Variants in ARHGEF15 observed in about 807,000 individuals in gnomAD.
ARHGEF15 encodes the protein Rho guanine nucleotide exchange factor 15, also known as Rho guanine nucleotide exchange factor (GEF) 15.
Under a neutral mutation model 79.7 loss-of-function variants are expected in ARHGEF15, and 58 were observed. The observed-to-expected ratio is 0.73, with a 90% CI of 0.59 to 0.91. The LOEUF (loss-of-function observed/expected upper bound fraction) is 0.91, where lower values mean the gene tolerates loss of function less well. Ranked by LOEUF, ARHGEF15 falls within the 40% of genes least tolerant of loss-of-function variation. ARHGEF15 has a pLI of 0.00. For synonymous variants in ARHGEF15, 442 were observed against 456.0 expected (o/e 0.97, Z 0.39); for missense variants, 1,012 against 1,108.1 (o/e 0.91, Z 1.23).
At position 8,318,965 on chromosome 17, in the gene ARHGEF15, G is replaced by T. The variant is rs183082524; in HGVS notation, c.2034-42G>T. 2 of 1,608,952 alleles carry T rather than the reference G, an allele frequency of 1.2e-6. No homozygotes were observed. Among genetic ancestry groups the T allele is most frequent in the African/African-American group, 2.7e-5 (2 of 74,798 alleles). ...CTGGAGTGGGCAGGAGGGGTCCAGC[G>T]GGACCCCTGCTGTCCTTCTGAACGA... On this transcript the variant is annotated intron_variant, in intron 12 of 15. Transcript: ENST00000361926. The surrounding 1 kb of genome is among the most constrained non-coding windows in gnomAD (Gnocchi z 5.0).
intron 9 of ARHGEF15, 117 bp downstream of exon 9, chr17:8,316,265 C>T (rs1314669585): frequency 7.1e-7 from 1 of 1,417,538 alleles, no homozygotes; most frequent in South Asian, 1.4e-5. Context: ...CATAAAATCC[C>T]CCAAATCATA....
chr17:8,311,987 T>C lies in ARHGEF15; in HGVS notation c.-49-4T>C. ...GTCTTTCTCTTTCCCTCCCTCCTCCTCAGGGGATGACTCCAGCAGAGCACC... is the reference window on the plus strand; with the variant it reads ...GTCTTTCTCTTTCCCTCCCTCCTCCCCAGGGGATGACTCCAGCAGAGCACC... On this transcript the variant is annotated splice_polypyrimidine_tract_variant and splice_region_variant and intron_variant, in intron 1 of 15. Coordinates refer to ENST00000361926, the MANE Select transcript of ARHGEF15 (RefSeq NM_173728.4). 1 of 1,472,138 alleles carries C rather than the reference T, an allele frequency of 6.8e-7. No individual in the cohort carries two copies. 91.2% of individuals were successfully genotyped at this position (1,472,138 alleles called of 1,614,324 possible).
Position 8,312,977 on chromosome 17 carries a change from T to A in ARHGEF15, c.657T>A (p.Pro219=), listed in dbSNP as rs1252152137. Residue 219 remains proline (P), a synonymous_variant, in exon 3 of 16, where the codon CCT becomes CCA. Transcript: ENST00000361926. Reference sequence around the variant, plus strand: ...CCTGTGTCTGCCACACCACCCGGCCTGGCCTGGAGCTCAGATGGGTGCCTG... The same window carrying A: ...CCTGTGTCTGCCACACCACCCGGCCAGGCCTGGAGCTCAGATGGGTGCCTG... The part of the protein sequence containing the change: ...CCPCVCHTTR[P]GLELRWVPVG... 2 of 1,603,676 alleles carry A rather than the reference T, an allele frequency of 1.2e-6. No individual in the cohort carries two copies. Among genetic ancestry groups the A allele is most frequent in the East Asian group, 4.5e-5 (2 of 44,740 alleles).
At chr17:8,317,491 A>C (rs562726555) in intron 9 of ARHGEF15, among the ~76,000 whole-genome samples, 2 of 152,308 alleles carry the variant, frequency 1.3e-5, no homozygotes, top group South Asian at 2.1e-4. Flanking sequence ...TGTAGACAAC[A>C]AAATAATAAT....
Position 8,312,934 on chromosome 17 carries a change from C to A in ARHGEF15, c.614C>A (p.Ala205Asp). ...CTGTCTCCCACAGATGCTGGCCTGG[C>A]CTGCCCTCCCTGCTGCCCCTGTGTC... is the stretch of plus-strand genomic sequence containing the variant. ...QENGAPDAGL[A>D]CPPCCPCVCH... The change falls in exon 3 of 16, where the codon GCC becomes GAC. Residue 205 changes from alanine (A) to aspartate (D), a missense_variant. By Grantham distance (126) the Ala-to-Asp change is moderately radical. This residue lies in a region of ARHGEF15 where 818 missense variants were observed against 882.5 expected (regional missense o/e 0.93). Coordinates refer to ENST00000361926, the MANE Select transcript of ARHGEF15 (RefSeq NM_173728.4). 6.3e-7 allele frequency: 1 copy of A among 1,577,128 alleles called. No individual in the cohort carries two copies.
chr17:8,319,985 G>T (rs1283974683), intron 15 of ARHGEF15, among the ~76,000 whole-genome samples: 2 of 149,006 alleles, frequency 1.3e-5, no homozygotes, highest in Admixed American at 6.8e-5. Context: ...TCACTATGTT[G>T]CTCAGGCTGG....
At chr17:8,313,317 C>T in intron 3 of ARHGEF15, 63 bp downstream of exon 3, 1 of 1,551,346 alleles carries the variant, frequency 6.4e-7, no homozygotes, top group Non-Finnish European at 8.7e-7. Context: ...CAGGGGGGAA[C>T]TAAAGCCCAG....
At position 8,321,682 on chromosome 17, in the gene ARHGEF15, C is replaced by G. The variant is rs1161079392; in HGVS notation, c.*689C>G. 1 of 152,338 alleles carries G rather than the reference C, an allele frequency of 6.6e-6. No homozygotes were observed. The highest frequency in any genetic ancestry group is 1.9e-4 in the East Asian group (1 of 5,202). 9.4% of individuals were successfully genotyped at this position (152,338 alleles called of 1,614,324 possible). ...GATTGTGCTCCTGACCCACAAATGA[C>G]TGAGTGCTCCATTTCTTCCTTTACC... is the stretch of plus-strand genomic sequence containing the variant. On this transcript the variant is annotated 3_prime_UTR_variant, in exon 16 of 16. Coordinates refer to ENST00000361926, the MANE Select transcript of ARHGEF15 (RefSeq NM_173728.4).
At position 8,313,073 on chromosome 17, in the gene ARHGEF15, C is replaced by T. The variant is rs538711335; in HGVS notation, c.753C>T (p.Pro251=). Reference sequence around the variant, plus strand: ...CGCTGCGGACCTCTCGCTCCCGCCCCCACCCTCCAAGCATCGGTCACCCTG... The same window carrying T: ...CGCTGCGGACCTCTCGCTCCCGCCCTCACCCTCCAAGCATCGGTCACCCTG... ...ASPLRTSRSR[P]HPPSIGHPAV... is the part of the protein sequence containing the mutation. Residue 251 remains proline (P), a synonymous_variant, in exon 3 of 16, where the codon CCC becomes CCT. Coordinates refer to ENST00000361926, the MANE Select transcript of ARHGEF15 (RefSeq NM_173728.4). 6.2e-7 allele frequency: 1 copy of T among 1,613,570 alleles called. No homozygotes were observed. The highest frequency in any genetic ancestry group is 1.7e-5 in the Admixed American group (1 of 60,018).
In ARHGEF15 at chr17:8,321,092, A is replaced by G. The variant is rs1269330671; in HGVS notation, c.*99A>G. 7.2e-6 allele frequency: 11 copies of G among 1,520,662 alleles called. No individual in the cohort carries two copies. The South Asian group carries it at 9.6e-5, about 13-fold the overall frequency. The allele number at this position is 1,520,662 out of a possible 1,614,324, so 94.2% of individuals were successfully genotyped here. On this transcript the variant is annotated 3_prime_UTR_variant, in exon 16 of 16. Transcript: ENST00000361926. ...CATTGGATTCACTGTCAGTGGAGAT[A>G]CTACCTCTCGTGGCAACCATAGAGA...
chr17:8,312,656 G>T lies in ARHGEF15; in HGVS notation c.601+16G>T, dbSNP rs761415894. Reference sequence around the variant, plus strand: ...GGTGCTCCAGGTGAGTGTGGCGGGTGGGGGGCGCTGGGTGACCTCAATCCA... The same window carrying T: ...GGTGCTCCAGGTGAGTGTGGCGGGTTGGGGGCGCTGGGTGACCTCAATCCA... On this transcript the variant is annotated intron_variant, in intron 2 of 15. Coordinates refer to ENST00000361926, the MANE Select transcript of ARHGEF15 (RefSeq NM_173728.4). 2.5e-6 allele frequency: 4 copies of T among 1,611,268 alleles called. No homozygotes were observed. In the Admixed American group the frequency reaches 5.0e-5, roughly 20 times the overall value.
rs1445621814 is a variant in ARHGEF15, at chr17:8,320,954, T to C, written c.2487T>C (p.Val829=). The C allele has an allele frequency of 6.2e-7, 1 of 1,613,886 alleles. No homozygotes were observed. The highest frequency in any genetic ancestry group is 1.3e-5 in the African/African-American group (1 of 74,880). The change falls in exon 16 of 16, where the codon GTT becomes GTC. Residue 829 remains valine (V), a synonymous_variant. Transcript: ENST00000361926. ...AGAACCAGAGGCTTCTCGAGGCTGT[T>C]GGATCTTCTTCAGGCACCCCCAATG... ...LRQNQRLLEA[V]GSSSGTPNAP...
rs747978063 is a variant in ARHGEF15, at chr17:8,313,173, C to T, written c.853C>T (p.Arg285Cys). ...LPLLKPPKPTRVRQDATIFGD... is the reference protein window; with the variant it reads ...LPLLKPPKPTCVRQDATIFGD... ...ACTCCTCAAGCCTCCCAAACCAACT[C>T]GTGTCAGGCAGGATGCCACCATTTT... The change falls in exon 3 of 16, where the codon CGT (arginine) becomes TGT (cysteine). Residue 285 changes from arginine to cysteine, a missense_variant. This residue lies in a region of ARHGEF15 where 818 missense variants were observed against 882.5 expected (regional missense o/e 0.93). Transcript: ENST00000361926. 3.7e-6 allele frequency: 6 copies of T among 1,611,636 alleles called. No individual in the cohort carries two copies. Among genetic ancestry groups the T allele is most frequent in the African/African-American group, 1.3e-5 (1 of 75,040 alleles).
In ARHGEF15 at chr17:8,313,029, G is replaced by T; in HGVS notation, c.709G>T (p.Val237Phe). The change falls in exon 3 of 16, where the codon GTC (valine) becomes TTC (phenylalanine). Residue 237 changes from valine to phenylalanine, a missense_variant. Coordinates refer to ENST00000361926, the MANE Select transcript of ARHGEF15 (RefSeq NM_173728.4). ...GGGGGGCTATGAGGAGGTCCCCAGGGTCCCCCGTCGGGCCTCCCCGCTGCG... is the reference window on the plus strand; with the variant it reads ...GGGGGGCTATGAGGAGGTCCCCAGGTTCCCCCGTCGGGCCTCCCCGCTGCG... ...PVGGYEEVPR[V>F]PRRASPLRTS... 1 of 1,613,252 alleles carries T rather than the reference G, an allele frequency of 6.2e-7. No individual in the cohort carries two copies. The highest frequency in any genetic ancestry group is 1.7e-4 in the Middle Eastern group (1 of 6,058).
rs747972645 is a variant in ARHGEF15, at chr17:8,318,580, G to C, written c.1790G>C (p.Arg597Pro). 6.2e-7 allele frequency: 1 copy of C among 1,613,502 alleles called. No individual in the cohort carries two copies. Among genetic ancestry groups the C allele is most frequent in the South Asian group, 1.1e-5 (1 of 91,054 alleles). ...GCTCCCCTTACCTAGATCATCGAGC[G>C]TTGCAGCGCTGAGGTGGGGCGCATG... ...ALGAVSKIIE[R>P]CSAEVGRMKQ... Residue 597 changes from arginine (R) to proline (P), a missense_variant, in exon 11 of 16, where the codon CGT becomes CCT. Transcript: ENST00000361926. This position sits in a 1 kb window ranked among gnomAD's most constrained non-coding sequence, Gnocchi z 5.0.
Position 8,318,127 on chromosome 17 carries a change from A to T in ARHGEF15, c.1705-260A>T, listed in dbSNP as rs1197088561. 1 of 477,768 alleles carries T rather than the reference A, an allele frequency of 2.1e-6. No homozygotes were observed. Among genetic ancestry groups the T allele is most frequent in the Non-Finnish European group, 3.7e-6 (1 of 269,046 alleles). 29.6% of individuals were successfully genotyped at this position (477,768 alleles called of 1,614,324 possible). On this transcript the variant is annotated intron_variant, in intron 9 of 15. Coordinates refer to ENST00000361926, the MANE Select transcript of ARHGEF15 (RefSeq NM_173728.4). This position sits in a 1 kb window ranked among gnomAD's most constrained non-coding sequence, Gnocchi z 5.0. ...ATATGTGCCAAGAACTATGCTAAGC[A>T]CTTTACATATATTGCCTTCTTGAAT...
chr17:8,318,379 G>A lies in ARHGEF15; in HGVS notation c.1705-8G>A, dbSNP rs545314176. On this transcript the variant is annotated splice_region_variant and splice_polypyrimidine_tract_variant and intron_variant, in intron 9 of 15. Transcript: ENST00000361926. This position sits in a 1 kb window ranked among gnomAD's most constrained non-coding sequence, Gnocchi z 5.0. ...GGGGGCCCAGTCACCCTTCCTCCTT[G>A]TCCCCAGAATATCCTGCGCCAGACA... 6.2e-7 allele frequency: 1 copy of A among 1,613,126 alleles called. No homozygotes were observed. The highest frequency in any genetic ancestry group is 8.5e-7 in the Non-Finnish European group (1 of 1,179,828).
chr17:8,315,586 T>C lies in ARHGEF15; in HGVS notation c.1421+12T>C. 6.2e-7 allele frequency: 1 copy of C among 1,606,490 alleles called. No homozygotes were observed. Among genetic ancestry groups the C allele is most frequent in the Non-Finnish European group, 8.5e-7 (1 of 1,179,894 alleles). On this transcript the variant is annotated intron_variant, in intron 7 of 15. Coordinates refer to ENST00000361926, the MANE Select transcript of ARHGEF15 (RefSeq NM_173728.4). This position sits in a 1 kb window ranked among gnomAD's most constrained non-coding sequence, Gnocchi z 4.3. ...GGAGTCAGCGAGCGGTCAGTGGCTTTCCGTCCTTCCAGGGAACCTGCCCTT... is the reference window on the plus strand; with the variant it reads ...GGAGTCAGCGAGCGGTCAGTGGCTTCCCGTCCTTCCAGGGAACCTGCCCTT...
At position 8,312,055 on chromosome 17, in the gene ARHGEF15, C is replaced by T. The variant is rs370353838; in HGVS notation, c.16C>T (p.Leu6Phe). The T allele has an allele frequency of 1.3e-4, 201 of 1,593,786 alleles. No homozygotes were observed. The highest frequency in any genetic ancestry group is 3.4e-4 in the Middle Eastern group (2 of 5,966). ...ACAGAGGAAGATGTCAGCCCAGTCC[C>T]TTCCTGCAGCAACACCCCCCACGCA... The part of the protein sequence containing the change: MSAQS[L>F]PAATPPTQKP... Residue 6 changes from leucine to phenylalanine, a missense_variant, in exon 2 of 16, where the codon CTT (leucine) becomes TTT (phenylalanine). Coordinates refer to ENST00000361926, the MANE Select transcript of ARHGEF15 (RefSeq NM_173728.4).
Sources: allele counts gnomAD v4.1 joint callset (sites outside exome capture counted in the v4.1 genomes callset), GRCh38; gene constraint gnomAD v4.1.1; regional missense constraint gnomAD v4.1.1; non-coding constraint Gnocchi (gnomAD v3.1); transcripts MANE v1.5; gene names NCBI Gene and HGNC (gene_info 2026-07-23, HGNC 2026-07-21).